Variants in UBE3D observed in about 807,000 individuals in gnomAD.
The protein encoded by UBE3D is ubiquitin protein ligase E3D, also known as E3 ubiquitin-protein ligase E3D.
Under a neutral mutation model 49.6 loss-of-function variants are expected in UBE3D, and 48 were observed. That is an observed-to-expected ratio of 0.97 (90% CI 0.77 to 1.23). UBE3D has a LOEUF of 1.23. Among genes scored for constraint, UBE3D ranks in the 50% most tolerant of loss-of-function variants. The pLI, the probability that UBE3D is intolerant of heterozygous loss-of-function variation, is 0.00. For missense variants in UBE3D, 452 were observed against 468.4 expected (o/e 0.96, Z 0.32); for synonymous variants, 189 against 174.2 (o/e 1.08, Z -0.67).
chr6:83,007,506 A>G (rs1780057789), intron 8 of UBE3D, among the ~76,000 whole-genome samples: 1 of 152,242 alleles, frequency 6.6e-6, no homozygotes. Flanking sequence ...CTTGATAACT[A>G]TGAAATTCTT....
chr6:83,014,428 C>T (rs932902866), intron 8 of UBE3D, among the ~76,000 whole-genome samples: 6 of 152,134 alleles, frequency 3.9e-5, no homozygotes, highest in Admixed American at 6.5e-5. Context: ...GGGGTTCTGC[C>T]AGTTGTTAAG....
At chr6:83,059,980 TG>T (rs1352334043) in intron 1 of UBE3D, among the ~76,000 whole-genome samples, 1 of 152,092 alleles carries the variant, frequency 6.6e-6, no homozygotes, top group African/African-American at 2.4e-5. Context: ...ATACTATAGA[TG>T]GGTGGCTTAA....
chr6:82,927,105 C>A (rs1053146077), intron 9 of UBE3D, among the ~76,000 whole-genome samples: 1 of 151,990 alleles, frequency 6.6e-6, no homozygotes, highest in African/African-American at 2.4e-5. Context: ...ATTAAAAAGA[C>A]TAACTTTTCT....
chr6:82,893,015 C>T lies in UBE3D; in HGVS notation c.*7G>A, dbSNP rs372027976. 9.3e-6 allele frequency: 15 copies of T among 1,613,526 alleles called. No individual in the cohort carries two copies. In the East Asian group the frequency reaches 1.6e-4, roughly 17 times the overall value. On this transcript the variant is annotated 3_prime_UTR_variant, in exon 10 of 10. Transcript: ENST00000369747. ...TGCCGGGGGAGGAGAATGCCCAGCTCTAATAGTTACATCTTCAAAAAGGCC... is the reference window on the plus strand; with the variant it reads ...TGCCGGGGGAGGAGAATGCCCAGCTTTAATAGTTACATCTTCAAAAAGGCC...
At chr6:82,992,157 G>A (rs1469397295) in intron 8 of UBE3D, among the ~76,000 whole-genome samples, 2 of 150,728 alleles carry the variant, frequency 1.3e-5, no homozygotes, top group East Asian at 3.9e-4. Context: ...TGTCTCTAAG[G>A]TAAAGAAGTA....
At chr6:83,050,747 C>T (rs1459619072) in intron 3 of UBE3D, among the ~76,000 whole-genome samples, 2 of 148,192 alleles carry the variant, frequency 1.3e-5, no homozygotes, top group African/African-American at 4.9e-5. Context: ...CTTAAGGAAG[C>T]GTCTTTTTCC....
At chr6:82,957,500 T>G (rs1582463975) in intron 8 of UBE3D, 50 bp from the exon 9 acceptor site, 1 of 1,547,032 alleles carries the variant, frequency 6.5e-7, no homozygotes, top group African/African-American at 1.4e-5. Context: ...TCATAATTAT[T>G]TTAAAAATCT....
rs1782188650 is a variant in UBE3D at position 83,035,545 on chromosome 6, T to A, written c.667+2871A>T. Among the ~76,000 whole-genome samples, 3 of 151,764 alleles carry A rather than the reference T, an allele frequency of 2.0e-5. No homozygotes were observed. The South Asian group carries it at 6.5e-4, about 33-fold the overall frequency. On this transcript the variant is annotated intron_variant, in intron 5 of 9. Transcript: ENST00000369747. ...ATGAAGGCACTGCTTCACTGCCTTCTAGCTTTCAGCTCTGCTGTTAAGAAG... is the reference window on the plus strand; with the variant it reads ...ATGAAGGCACTGCTTCACTGCCTTCAAGCTTTCAGCTCTGCTGTTAAGAAG...
chr6:82,895,894 C>A (rs769360690), intron 9 of UBE3D, among the ~76,000 whole-genome samples: 1 of 151,960 alleles, frequency 6.6e-6, no homozygotes, highest in African/African-American at 2.4e-5. Flanking sequence ...TGCATGCCTG[C>A]GAATATGAAC....
chr6:83,057,362 G>A (rs1783878044), intron 2 of UBE3D, among the ~76,000 whole-genome samples: 1 of 120,306 alleles, frequency 8.3e-6, no homozygotes, highest in Admixed American at 9.3e-5. Context: ...AGCTCCATGA[G>A]AGCAGACACC....
At chr6:82,934,976 CAAG>C (rs1190236105) in intron 9 of UBE3D, among the ~76,000 whole-genome samples, 4 of 44,394 alleles carry the variant, frequency 9.0e-5, no homozygotes, top group Non-Finnish European at 2.3e-4. Flanking sequence ...AGTTAAGAGA[CAAG>C]GAGAATAGGC....
chr6:82,960,266 G>C (rs960566575), intron 8 of UBE3D, among the ~76,000 whole-genome samples: 1 of 152,044 alleles, frequency 6.6e-6, no homozygotes, highest in African/African-American at 2.4e-5. Flanking sequence ...TATTCTTTTT[G>C]CTTTTACTCA....
At chr6:83,060,819 G>A (rs574757606) in intron 1 of UBE3D, among the ~76,000 whole-genome samples, 1 of 152,058 alleles carries the variant, frequency 6.6e-6, no homozygotes, top group East Asian at 1.9e-4. Flanking sequence ...GGTATAATAT[G>A]AACAAAAAAG....
chr6:82,888,625 T>A (rs1770930891), downstream of UBE3D, among the ~76,000 whole-genome samples: 1 of 152,104 alleles, frequency 6.6e-6, no homozygotes, highest in Non-Finnish European at 1.5e-5. Context: ...AGGACACAAA[T>A]CCTGCCCTCT....
intron 8 of UBE3D, among the ~76,000 whole-genome samples, chr6:82,971,079 G>A (rs1465170076): frequency 6.6e-6 from 1 of 152,098 alleles, no homozygotes; most frequent in Non-Finnish European, 1.5e-5. Flanking sequence ...GGACCCCTGA[G>A]TAAGGATCGC....
intron 8 of UBE3D, among the ~76,000 whole-genome samples, chr6:82,992,735 A>C (rs1006253407): frequency 2.6e-5 from 4 of 152,150 alleles, no homozygotes; most frequent in Non-Finnish European, 5.9e-5. Context: ...GCTATCTAAA[A>C]TTCTGGGAAT....
At chr6:82,967,868 C>G (rs1777062641) in intron 8 of UBE3D, among the ~76,000 whole-genome samples, 1 of 152,100 alleles carries the variant, frequency 6.6e-6, no homozygotes, top group African/African-American at 2.4e-5. Flanking sequence ...GTTTCAAACT[C>G]CTGGCCTCAA....
At chr6:82,972,298 A>C (rs751937432) in intron 8 of UBE3D, among the ~76,000 whole-genome samples, 1 of 152,202 alleles carries the variant, frequency 6.6e-6, no homozygotes, top group Non-Finnish European at 1.5e-5. Context: ...ATTCACATGA[A>C]TAAGGCCTGA....
intron 9 of UBE3D, among the ~76,000 whole-genome samples, chr6:82,923,408 A>C (rs1447422407): frequency 6.6e-6 from 1 of 152,260 alleles, no homozygotes; most frequent in Non-Finnish European, 1.5e-5. Context: ...TGTCCTTTGC[A>C]GGCACACAGA....
Sources: allele counts gnomAD v4.1 joint callset (sites outside exome capture counted in the v4.1 genomes callset), GRCh38; gene constraint gnomAD v4.1.1; transcripts MANE v1.5; gene names NCBI Gene and HGNC (gene_info 2026-07-23, HGNC 2026-07-21).